Variants in SYNE2 observed in about 807,000 individuals in gnomAD.
The protein encoded by SYNE2 is spectrin repeat containing nuclear envelope protein 2.
Under a neutral mutation model 856.3 loss-of-function variants are expected in SYNE2, and 431 were observed. The observed-to-expected ratio is 0.50, with a 90% CI of 0.47 to 0.55. SYNE2 has a LOEUF of 0.55. SYNE2 is among the 20% of genes least tolerant of loss of function. The pLI, the probability that SYNE2 is intolerant of heterozygous loss-of-function variation, is 0.00. For synonymous variants in SYNE2, 2,923 were observed against 2,872.3 expected (o/e 1.02, Z -0.56); for missense variants, 8,129 against 8,023.2 (o/e 1.01, Z -0.50).
At chr14:63,862,800 T>C (rs1894104377) in intron 1 of SYNE2, among the ~76,000 whole-genome samples, 1 of 151,784 alleles carries the variant, frequency 6.6e-6, no homozygotes. Flanking sequence ...TTTTTTTTGT[T>C]TTGTTTTGTT....
At chr14:64,045,618 G>C (rs1595109504) in intron 45 of SYNE2, among the ~76,000 whole-genome samples, 1 of 152,152 alleles carries the variant, frequency 6.6e-6, no homozygotes, top group Non-Finnish European at 1.5e-5. Context: ...AGATGCTGCT[G>C]CCCTAGGTGT....
intron 71 of SYNE2, 56 bp downstream of exon 71, chr14:64,125,266 A>G: frequency 1.2e-6 from 2 of 1,609,084 alleles, no homozygotes; most frequent in Non-Finnish European, 1.7e-6. Context: ...CAAAGGAGAT[A>G]TCATCATTGT....
At chr14:63,946,433 A>AACATACACATACACATACACATAC (rs1378175235) in intron 6 of SYNE2, among the ~76,000 whole-genome samples, 1 of 151,688 alleles carries the variant, frequency 6.6e-6, no homozygotes, top group Non-Finnish European at 1.5e-5. Flanking sequence ...GTCTCCAAAA[A>AACATACACATACACATACACATAC]ACATACACAT....
At chr14:63,782,902 TATTA>T (rs1247889702) in intron 1 of SYNE2, among the ~76,000 whole-genome samples, 4 of 152,056 alleles carry the variant, frequency 2.6e-5, no homozygotes, top group African/African-American at 9.7e-5. Context: ...TATCCTCAAA[TATTA>T]ATTAATATAA....
At chr14:64,165,606 G>A (rs867360006) in intron 90 of SYNE2, among the ~76,000 whole-genome samples, 196 bp downstream of exon 90, 4 of 150,980 alleles carry the variant, frequency 2.6e-5, no homozygotes, top group South Asian at 2.1e-4. Flanking sequence ...TCCACCTCCC[G>A]GGTTCAAGCC....
chr14:63,791,477 T>G (rs1887728985), intron 1 of SYNE2, among the ~76,000 whole-genome samples: 1 of 152,226 alleles, frequency 6.6e-6, no homozygotes. Flanking sequence ...TATTACATTT[T>G]ATGCCTATAA....
At chr14:63,817,762 G>T (rs1046938492) in intron 1 of SYNE2, among the ~76,000 whole-genome samples, 1 of 152,268 alleles carries the variant, frequency 6.6e-6, no homozygotes, top group African/African-American at 2.4e-5. Flanking sequence ...GGTGGCTCAT[G>T]TCTATGATCC....
In SYNE2 at chr14:64,052,847, A is replaced by G; in HGVS notation, c.8934A>G (p.Lys2978=). The G allele has an allele frequency of 6.2e-7, 1 of 1,613,796 alleles. No individual in the cohort carries two copies. Among genetic ancestry groups the G allele is most frequent in the Non-Finnish European group, 8.5e-7 (1 of 1,179,958 alleles). Residue 2978 remains lysine (K), a synonymous_variant, in exon 48 of 116, where the codon AAA becomes AAG. Transcript: ENST00000555002. ...ATCAAGAAGTAAATAAAGGTGTTAA[A>G]GAGGAGATCTATAATCTTAAAGACA... ...LLNQEVNKGV[K]EEIYNLKDRL... is the part of the protein sequence containing the mutation.
intron 2 of SYNE2, among the ~76,000 whole-genome samples, chr14:63,934,149 C>T (rs1182708163): frequency 1.3e-5 from 2 of 152,172 alleles, no homozygotes; most frequent in Non-Finnish European, 2.9e-5. Context: ...TCTCTAAGTT[C>T]GGACAATGAG....
intron 1 of SYNE2, among the ~76,000 whole-genome samples, chr14:63,894,432 G>A (rs941866746): frequency 2.0e-5 from 3 of 152,068 alleles, no homozygotes; most frequent in African/African-American, 7.2e-5. Flanking sequence ...ATGTTGCCCA[G>A]GCTGGTCTTG....
chr14:64,188,191 A>G (rs192571253), intron 97 of SYNE2, among the ~76,000 whole-genome samples: 106 of 152,306 alleles, frequency 7.0e-4, no homozygotes, highest in African/African-American at 2.4e-3. Context: ...TTATGTTGGT[A>G]TAAGGATTTG....
intron 102 of SYNE2, 43 bp from the exon 103 acceptor site, chr14:64,209,899 G>C (rs754720407): frequency 6.2e-7 from 1 of 1,613,216 alleles, no homozygotes; most frequent in Admixed American, 1.7e-5. Context: ...GGGCGTCCTG[G>C]CACTCTGCAT....
intron 74 of SYNE2, among the ~76,000 whole-genome samples, chr14:64,129,029 C>T (rs575637461): frequency 7.9e-5 from 12 of 152,338 alleles, no homozygotes; most frequent in African/African-American, 2.6e-4. Context: ...AATATTTTGG[C>T]CAGGTTGGTG....
Position 64,162,211 on chromosome 14 carries a change from G to C in SYNE2, c.16234G>C (p.Ala5412Pro). Residue 5412 changes from alanine to proline, a missense_variant, in exon 88 of 116, where the codon GCA becomes CCA. This residue lies in a region of SYNE2 where 5,410 missense variants were observed against 5,284.8 expected (regional missense o/e 1.02). Transcript: ENST00000555002. ...KQQEAKFQQL[A>P]NISMSGNNLA... ...GCAGGAAGCAAAGTTTCAACAGCTC[G>C]CAAACATCAGCATGTCTGGAAACAA... 1 of 1,614,194 alleles carries C rather than the reference G, an allele frequency of 6.2e-7. No homozygotes were observed. The highest frequency in any genetic ancestry group is 1.1e-5 in the South Asian group (1 of 91,088).
At chr14:63,898,825 A>C (rs1452118574) in intron 1 of SYNE2, among the ~76,000 whole-genome samples, 1 of 152,188 alleles carries the variant, frequency 6.6e-6, no homozygotes, top group African/African-American at 2.4e-5. Context: ...GATATAAATT[A>C]TAGGTTGAAA....
At chr14:64,173,055 CAGGG>C (rs1407207409) in intron 94 of SYNE2, among the ~76,000 whole-genome samples, 2 of 152,034 alleles carry the variant, frequency 1.3e-5, no homozygotes, top group African/African-American at 2.4e-5. Context: ...AATGAGGTAA[CAGGG>C]AGGGAAAGAA....
At chr14:64,174,739 C>T (rs1395412592) in intron 94 of SYNE2, among the ~76,000 whole-genome samples, 1 of 152,162 alleles carries the variant, frequency 6.6e-6, no homozygotes, top group Non-Finnish European at 1.5e-5. Context: ...ATTTTAAGAA[C>T]ACCTCACTTA....
chr14:63,882,985 ACT>A (rs1445524830), intron 1 of SYNE2, among the ~76,000 whole-genome samples: 5 of 119,588 alleles, frequency 4.2e-5, no homozygotes, highest in Non-Finnish European at 9.2e-5. Flanking sequence ...CATAGTAAGC[ACT>A]CTGTTTTTTT....
At chr14:63,861,390 A>G (rs55925976) in intron 1 of SYNE2, among the ~76,000 whole-genome samples, 86,876 of 151,420 alleles carry the variant, frequency 0.57, 25,350 homozygotes, top group South Asian at 0.69. Context: ...TGATCCGCCC[A>G]CCTCAGCCTC....
Sources: gnomAD v4.1 joint callset for allele counts (sites outside exome capture counted in the v4.1 genomes callset) on GRCh38, gnomAD v4.1.1 for gene constraint, gnomAD v4.1.1 regional missense constraint, MANE v1.5 for transcripts, NCBI Gene and HGNC (gene_info 2026-07-23, HGNC 2026-07-21) for gene names.